The following ESCO1 variants were observed in gnomAD, a reference collection of about 807,000 sequenced individuals.
ESCO1 encodes the protein N-acetyltransferase ESCO1.
ESCO1 carries 33 observed loss-of-function variants against 83.5 expected under a neutral mutation model. The ratio of observed to expected loss-of-function variants is 0.40; its 90% confidence interval spans 0.30 to 0.53. The LOEUF (loss-of-function observed/expected upper bound fraction) is 0.53, where lower values mean the gene tolerates loss of function less well. ESCO1 is among the 20% of genes least tolerant of loss of function. ESCO1 has a pLI of 0.63. For synonymous variants in ESCO1, 332 were observed against 324.3 expected (o/e 1.02, Z -0.25); for missense variants, 855 against 968.0 (o/e 0.88, Z 1.55).
chr18:21,532,207 T>A (rs2037775692), intron 11 of ESCO1, among the ~76,000 whole-genome samples: 1 of 152,200 alleles, frequency 6.6e-6, no homozygotes, highest in Non-Finnish European at 1.5e-5. Context: ...ATAGGCAGGT[T>A]ATTTTGGCCT....
intron 8 of ESCO1, among the ~76,000 whole-genome samples, chr18:21,556,662 G>GGCT (rs2038116104): frequency 6.6e-6 from 1 of 151,782 alleles, no homozygotes; most frequent in East Asian, 1.9e-4. Context: ...TACTTCACAG[G>GGCT]ACAGCACAGC....
intron 5 of ESCO1, among the ~76,000 whole-genome samples, chr18:21,567,480 T>C (rs1032915969): frequency 6.9e-6 from 1 of 144,516 alleles, no homozygotes; most frequent in African/African-American, 2.5e-5. Context: ...AATGTGTTAT[T>C]AAAAAAAAAA....
chr18:21,597,420 G>A (rs1188648460), intron 1 of ESCO1, among the ~76,000 whole-genome samples: 1 of 151,606 alleles, frequency 6.6e-6, no homozygotes, highest in Admixed American at 6.6e-5. Context: ...ACCTATTTGG[G>A]AGGCTGAGGC....
intron 11 of ESCO1, among the ~76,000 whole-genome samples, chr18:21,531,294 T>C (rs1025824368): frequency 6.6e-6 from 1 of 151,488 alleles, no homozygotes; most frequent in African/African-American, 2.4e-5. Flanking sequence ...CAAATGAAAT[T>C]TTTGCCAGGC....
chr18:21,577,946 T>C (rs1433030182), intron 2 of ESCO1, among the ~76,000 whole-genome samples: 1 of 152,188 alleles, frequency 6.6e-6, no homozygotes, highest in Non-Finnish European at 1.5e-5. Context: ...AGTGGAAAGA[T>C]TGTGTTCTAC....
At chr18:21,555,830 TG>T (rs2038105530) in intron 8 of ESCO1, among the ~76,000 whole-genome samples, 1 of 151,974 alleles carries the variant, frequency 6.6e-6, no homozygotes, top group African/African-American at 2.4e-5. Flanking sequence ...TAGCCAGGCC[TG>T]GTGGCCTGTG....
intron 1 of ESCO1, among the ~76,000 whole-genome samples, chr18:21,586,145 T>G (rs2038573087): frequency 1.3e-5 from 2 of 152,196 alleles, no homozygotes; most frequent in African/African-American, 2.4e-5. Context: ...TCTAACTGTA[T>G]TTTTATAACC....
intron 8 of ESCO1, among the ~76,000 whole-genome samples, chr18:21,560,274 C>T (rs1444518227): frequency 6.6e-6 from 1 of 150,818 alleles, no homozygotes; most frequent in Admixed American, 6.6e-5. Context: ...GCCTAAAATG[C>T]ACTTCCATTA....
rs370482430 is a variant in ESCO1 at position 21,573,742 on chromosome 18, T to C, written c.1102A>G (p.Ser368Gly). 1.9e-6 allele frequency: 3 copies of C among 1,614,048 alleles called. No individual in the cohort carries two copies. In the African/African-American group the frequency reaches 4.0e-5, roughly 22 times the overall value. Residue 368 changes from serine to glycine, a missense_variant, in exon 4 of 12, where the codon AGT (serine) becomes GGT (glycine). Physicochemically the swap from Ser to Gly is moderately conservative, Grantham distance 56. Transcript: ENST00000269214. ...QDVQCNRFFP[S>G]RKTKPVKCIL... ...CATTTCACAGGCTTTGTTTTTCTAC[T>C]TGGGAAAAAACGATTACATTGCACA...
intron 8 of ESCO1, among the ~76,000 whole-genome samples, chr18:21,559,460 T>G (rs2038155234): frequency 1.3e-5 from 2 of 152,238 alleles, no homozygotes; most frequent in Admixed American, 6.5e-5. Context: ...CTGATTGATT[T>G]ATTTACTTTT....
At position 21,573,802 on chromosome 18, in the gene ESCO1, T is replaced by C; in HGVS notation, c.1042A>G (p.Arg348Gly). 1 of 1,614,154 alleles carries C rather than the reference T, an allele frequency of 6.2e-7. No homozygotes were observed. The highest frequency in any genetic ancestry group is 8.5e-7 in the Non-Finnish European group (1 of 1,180,032). ...GTTTCCTTCTGATGAAGTATTTGTC[T>C]TTCAACACTGGTCTCTTCCAATTTT... ...EIKLEETSVE[R>G]QILHQKETNQ... The change falls in exon 4 of 12, where the codon AGA (arginine) becomes GGA (glycine). Residue 348 changes from arginine (R) to glycine (G), a missense_variant. Transcript: ENST00000269214.
chr18:21,544,457 A>AC (rs1248622824), intron 8 of ESCO1, among the ~76,000 whole-genome samples: 4 of 149,478 alleles, frequency 2.7e-5, no homozygotes, highest in African/African-American at 7.6e-5. Flanking sequence ...AAATACAAAA[A>AC]AAAAACAAAA....
rs35451929 is a variant in ESCO1 at position 21,530,505 on chromosome 18, T to TGGG, written c.2376-18_2376-16dup. ...TAAAGTTACTCCTATTAAAAAAAAA[T>TGGG]GGGGGGGGGGAAGGGTTAAGTGTGA... is the stretch of plus-strand genomic sequence containing the variant. On this transcript the variant is annotated splice_polypyrimidine_tract_variant and intron_variant, in intron 11 of 11. Coordinates refer to ENST00000269214, the MANE Select transcript of ESCO1 (RefSeq NM_052911.3). The TGGG allele has an allele frequency of 5.2e-6, 6 of 1,149,224 alleles. No individual in the cohort carries two copies. The African/African-American group carries it at 9.3e-5, about 18-fold the overall frequency. 71.2% of individuals were successfully genotyped at this position (1,149,224 alleles called of 1,614,324 possible).
chr18:21,560,988 A>T lies in ESCO1; in HGVS notation c.1824T>A (p.Asp608Glu). 3.2e-6 allele frequency: 5 copies of T among 1,579,404 alleles called. No individual in the cohort carries two copies. The highest frequency in any genetic ancestry group is 4.3e-6 in the Non-Finnish European group (5 of 1,167,252). Residue 608 changes from aspartate (D) to glutamate (E), a missense_variant and splice_region_variant, in exon 8 of 12, where the codon GAT becomes GAA. Transcript: ENST00000269214. ...EKTDEKQLII[D>E]AGQKRFGAVS... ...CTGCTCCAAATCTTTTTTGTCCTGC[A>T]TCCTATTTACAAAAAACACACAAAA...
chr18:21,586,046 T>C (rs911057917), intron 1 of ESCO1, among the ~76,000 whole-genome samples: 12 of 152,342 alleles, frequency 7.9e-5, no homozygotes, highest in Non-Finnish European at 1.3e-4. Flanking sequence ...TCAGGAACAT[T>C]TCATATCTCT....
chr18:21,566,264 A>G lies in ESCO1; in HGVS notation c.1646-58T>C, dbSNP rs1598466569. 7 of 1,468,538 alleles carry G rather than the reference A, an allele frequency of 4.8e-6. No individual in the cohort carries two copies. In the East Asian group the frequency reaches 1.6e-4, roughly 34 times the overall value. The allele number at this position is 1,468,538 out of a possible 1,614,324, so 91.0% of individuals were successfully genotyped here. A position where few individuals can be genotyped will look rare whatever the true frequency, so the allele number is the denominator to read the frequency against. The stretch of plus-strand genomic sequence containing the variant: ...TGAGTTTTATACTAGTTTTCCATCT[A>G]ATGGATAAAATCATTATACATAAAG... On this transcript the variant is annotated intron_variant, in intron 5 of 11. Coordinates refer to ENST00000269214, the MANE Select transcript of ESCO1 (RefSeq NM_052911.3).
rs1356323882 is a variant in ESCO1, at chr18:21,573,559, T to C, written c.1285A>G (p.Met429Val). ...RTSFSPPALE[M>V]HHPVTQSTFL... ...GTACTTTGAGTCACTGGATGATGCA[T>C]TTCTAAAGCTGGTGGTGAAAAACTG... Residue 429 changes from methionine (M) to valine (V), a missense_variant, in exon 4 of 12, where the codon ATG becomes GTG. Around this residue, in one of 2 missense-constraint regions of ESCO1, gnomAD observed 726 missense variants for 699.5 expected, o/e 1.04. Coordinates refer to ENST00000269214, the MANE Select transcript of ESCO1 (RefSeq NM_052911.3). 1.2e-6 allele frequency: 2 copies of C among 1,614,144 alleles called. No homozygotes were observed.
chr18:21,595,988 A>G (rs1240439442), intron 1 of ESCO1, among the ~76,000 whole-genome samples: 2 of 151,466 alleles, frequency 1.3e-5, no homozygotes, highest in African/African-American at 4.8e-5. Flanking sequence ...TAAATAAATA[A>G]AATAAAAATA....
Position 21,530,296 on chromosome 18 carries a change from C to A in ESCO1, c.*47G>T. On this transcript the variant is annotated 3_prime_UTR_variant, in exon 12 of 12. Transcript: ENST00000269214. ...TCCTGGTTAAAGTCAGCAACCAATC[C>A]ATTCTCTTCAATAGATGTCTTCTAG... 6.9e-7 allele frequency: 1 copy of A among 1,445,038 alleles called. No individual in the cohort carries two copies. The highest frequency in any genetic ancestry group is 9.1e-7 in the Non-Finnish European group (1 of 1,093,056). 89.5% of individuals were successfully genotyped at this position (1,445,038 alleles called of 1,614,324 possible).
Sources: gnomAD v4.1 joint callset for allele counts (sites outside exome capture counted in the v4.1 genomes callset) on GRCh38, gnomAD v4.1.1 for gene constraint, gnomAD v4.1.1 regional missense constraint, MANE v1.5 for transcripts, NCBI Gene and HGNC (gene_info 2026-07-23, HGNC 2026-07-21) for gene names.